The following PCNX2 variants were observed in gnomAD, a reference collection of about 807,000 sequenced individuals.
The protein encoded by PCNX2 is pecanex-like protein 2.
A neutral mutation model predicts 223.8 loss-of-function variants in PCNX2; 168 were observed. The observed-to-expected ratio is 0.75, with a 90% CI of 0.66 to 0.85. PCNX2 has a LOEUF of 0.85. Ranked by LOEUF, PCNX2 falls within the 40% of genes least tolerant of loss-of-function variation. The pLI is 0.00. For synonymous variants in PCNX2, 1,006 were observed against 1,052.6 expected (o/e 0.96, Z 0.86); for missense variants, 2,507 against 2,675.5 (o/e 0.94, Z 1.39).
At chr1:233,086,881 A>G (rs1335718100) in intron 23 of PCNX2, 1 of 335,836 alleles carries the variant, frequency 3.0e-6, no homozygotes, top group Non-Finnish European at 4.2e-6. Flanking sequence ...ACAATGAGCC[A>G]CTGCAGGCTT....
chr1:233,007,120 C>T (rs1332317042), intron 28 of PCNX2, among the ~76,000 whole-genome samples: 4 of 151,764 alleles, frequency 2.6e-5, no homozygotes, highest in South Asian at 2.1e-4. Flanking sequence ...GTCTCAGCGA[C>T]GTGGAAGGCT....
chr1:233,047,125 T>C (rs1671850214), intron 25 of PCNX2, among the ~76,000 whole-genome samples: 1 of 152,186 alleles, frequency 6.6e-6, no homozygotes, highest in Non-Finnish European at 1.5e-5. Context: ...GCCTGGCTCA[T>C]CTACCTGCTG....
chr1:233,095,754 C>T lies in PCNX2; in HGVS notation c.3946+1G>A, dbSNP rs764101679. The T allele has an allele frequency of 2.5e-6, 4 of 1,593,222 alleles. No individual in the cohort carries two copies. The highest frequency in any genetic ancestry group is 1.3e-5 in the African/African-American group (1 of 74,400). ...GGTGAAAATAGAAGCAGAAAGGATA[C>T]GAGGAATGGCAAAGAGCTGAGCAAA... is the stretch of plus-strand genomic sequence containing the variant. On this transcript the variant is annotated splice_donor_variant, in intron 22 of 33. Transcript: ENST00000258229. LOFTEE classifies it high-confidence loss of function.
At chr1:233,199,560 T>G (rs548799180) in intron 14 of PCNX2, among the ~76,000 whole-genome samples, 6 of 152,264 alleles carry the variant, frequency 3.9e-5, no homozygotes, top group South Asian at 4.1e-4. Flanking sequence ...TTATGATGTT[T>G]ATTTCCATTT....
At chr1:233,173,998 GCTCTTTA>G (rs1299752341) in intron 17 of PCNX2, among the ~76,000 whole-genome samples, 3 of 132,444 alleles carry the variant, frequency 2.3e-5, no homozygotes, top group East Asian at 4.5e-4. Flanking sequence ...TTTTCTCTTT[GCTCTTTA>G]CTCTTTACTA....
intron 15 of PCNX2, among the ~76,000 whole-genome samples, chr1:233,184,213 A>G (rs149778350): frequency 6.6e-6 from 1 of 152,290 alleles, no homozygotes; most frequent in East Asian, 1.9e-4. Flanking sequence ...GACCCTAGAA[A>G]TAATTCTCAT....
At chr1:233,216,802 A>G (rs746937815) in intron 12 of PCNX2, among the ~76,000 whole-genome samples, 1 of 152,186 alleles carries the variant, frequency 6.6e-6, no homozygotes, top group Non-Finnish European at 1.5e-5. Flanking sequence ...CATGGTATCA[A>G]CCTAAATGTC....
chr1:233,216,142 T>A (rs1682111881), intron 12 of PCNX2, among the ~76,000 whole-genome samples: 1 of 152,144 alleles, frequency 6.6e-6, no homozygotes, highest in Non-Finnish European at 1.5e-5. Context: ...GGAAAGACAG[T>A]TGCTTAGCGA....
At chr1:233,303,348 TA>T in the PCNX2 span, among the ~76,000 whole-genome samples, 3 of 152,016 alleles carry the variant, frequency 2.0e-5, no homozygotes, top group Non-Finnish European at 4.4e-5. Flanking sequence ...ATCCTGTCTT[TA>T]CAAAAAAATA....
intron 23 of PCNX2, among the ~76,000 whole-genome samples, chr1:233,079,644 G>A (rs773704380): frequency 6.6e-6 from 1 of 152,074 alleles, no homozygotes; most frequent in Non-Finnish European, 1.5e-5. Flanking sequence ...ACTCAAAATG[G>A]CTTAAGTGAA....
chr1:233,247,170 G>A (rs1179786455), intron 8 of PCNX2, among the ~76,000 whole-genome samples: 2 of 152,210 alleles, frequency 1.3e-5, no homozygotes, highest in African/African-American at 2.4e-5. Flanking sequence ...ACAGATGGTA[G>A]TGCCTTAACT....
chr1:233,038,637 G>A (rs940901360), intron 25 of PCNX2, among the ~76,000 whole-genome samples: 1 of 152,150 alleles, frequency 6.6e-6, no homozygotes, highest in African/African-American at 2.4e-5. Context: ...GGATTTGAAA[G>A]ATTACTCAAT....
chr1:233,295,423 C>G lies in PCNX2; in HGVS notation c.56G>C (p.Gly19Ala). Reference protein sequence around the residue: ...LRQGVWAALTGGWYHDPEQSK... With the variant: ...LRQGVWAALTAGWYHDPEQSK... Reference sequence around the variant, plus strand: ...CTGCTCCGGGTCGTGGTACCAGCCCCCGGTGAGCGCGGCCCACACGCCCTG... The same window carrying G: ...CTGCTCCGGGTCGTGGTACCAGCCCGCGGTGAGCGCGGCCCACACGCCCTG... The change falls in exon 1 of 34, where the codon GGG (glycine) becomes GCG (alanine). Residue 19 changes from glycine (G) to alanine (A), a missense_variant. Gly to Ala is a moderately conservative substitution (Grantham distance 60). Coordinates refer to ENST00000258229, the MANE Select transcript of PCNX2 (RefSeq NM_014801.4). This position sits in a 1 kb window ranked among gnomAD's most constrained non-coding sequence, Gnocchi z 4.1. 6.4e-7 allele frequency: 1 copy of G among 1,552,038 alleles called. No individual in the cohort carries two copies.
In PCNX2 at chr1:233,198,987, G is replaced by A. The variant is rs555212412; in HGVS notation, c.3018C>T (p.Ser1006=). ...ITSAVYSVAR[S]VLAAALLHAV... is the part of the protein sequence containing the mutation. ...CGTGGAGCAGGGCGGCAGCCAAGAC[G>A]CTCCGGGCCACACTGTAAACAGCCG... Residue 1006 remains serine, a synonymous_variant, in exon 15 of 34, where the codon AGC becomes AGT. Transcript: ENST00000258229. 56 of 1,605,682 alleles carry A rather than the reference G, an allele frequency of 3.5e-5. No homozygotes were observed. The East Asian group carries it at 7.4e-4, about 21-fold the overall frequency.
intron 1 of PCNX2, among the ~76,000 whole-genome samples, chr1:233,285,823 T>C (rs1399584364): frequency 1.3e-5 from 2 of 152,246 alleles, no homozygotes; most frequent in Non-Finnish European, 2.9e-5. Flanking sequence ...AACCTAAATA[T>C]TCTTCAATAG....
intron 1 of PCNX2, among the ~76,000 whole-genome samples, chr1:233,270,647 T>C (rs1660593393): frequency 1.3e-5 from 2 of 152,196 alleles, no homozygotes; most frequent in Admixed American, 6.5e-5. Flanking sequence ...AACAAAAAAG[T>C]AGAATAGAAC....
chr1:233,238,491 G>A (rs943770985), intron 8 of PCNX2, among the ~76,000 whole-genome samples: 3 of 152,070 alleles, frequency 2.0e-5, no homozygotes, highest in Admixed American at 6.6e-5. Context: ...AGGAGTTCAA[G>A]ACCAGCCCTG....
chr1:233,182,718 T>C (rs1405548724), intron 15 of PCNX2, among the ~76,000 whole-genome samples: 4 of 151,206 alleles, frequency 2.6e-5, no homozygotes, highest in Non-Finnish European at 1.5e-5. Flanking sequence ...CAGAGGGCTC[T>C]TCTGTCCTGA....
chr1:233,144,942 G>GT (rs1399149926), intron 19 of PCNX2, among the ~76,000 whole-genome samples: 14 of 138,140 alleles, frequency 1.0e-4, no homozygotes, highest in African/African-American at 3.8e-4. Context: ...ATTTGTTGTT[G>GT]TTGTTGTTTT....
Sources: gnomAD v4.1 joint callset for allele counts (sites outside exome capture counted in the v4.1 genomes callset) on GRCh38, gnomAD v4.1.1 for gene constraint, Gnocchi (gnomAD v3.1) non-coding constraint, MANE v1.5 for transcripts, NCBI Gene and HGNC (gene_info 2026-07-23, HGNC 2026-07-21) for gene names.